The following MISP variants were observed in gnomAD, a reference collection of about 807,000 sequenced individuals.
The protein encoded by MISP is mitotic interactor and substrate of PLK1.
Under a neutral mutation model 49.3 loss-of-function variants are expected in MISP, and 51 were observed. That is an observed-to-expected ratio of 1.03 (90% CI 0.83 to 1.31). The LOEUF is 1.31. Ranked by LOEUF, MISP falls within the 50% of genes most tolerant of loss-of-function variation. MISP has a pLI of 0.00. For missense variants in MISP, 1,084 were observed against 935.1 expected, an observed-to-expected ratio of 1.16 and a Z score of -2.08; for synonymous variants, 444 against 392.6, an observed-to-expected ratio of 1.13 and a Z score of -1.55.
intron 4 of MISP, among the ~76,000 whole-genome samples, chr19:762,653 A>AT (rs893648940): frequency 5.3e-5 from 8 of 149,562 alleles, no homozygotes; most frequent in East Asian, 2.0e-4. Flanking sequence ...TTTTATTTTT[A>AT]TTTTTTTTTA....
Position 757,903 on chromosome 19 carries a change from C to T in MISP, c.957C>T (p.His319=), listed in dbSNP as rs2033591654. The change falls in exon 2 of 5, where the codon CAC becomes CAT. Residue 319 remains histidine, a synonymous_variant. Coordinates refer to ENST00000215582, the MANE Select transcript of MISP (RefSeq NM_173481.4). The part of the protein sequence containing the change: ...EQRGLRQATD[H]QELVEIPTRP... ...GGGGGCTTCGGCAGGCAACCGACCA[C>T]CAGGAGCTGGTGGAAATCCCCACCA... 1 of 1,604,162 alleles carries T rather than the reference C, an allele frequency of 6.2e-7. No homozygotes were observed. The highest frequency in any genetic ancestry group is 8.5e-7 in the Non-Finnish European group (1 of 1,179,652).
In MISP at chr19:763,765, C is replaced by T; in HGVS notation, c.*175C>T. The T allele has an allele frequency of 1.7e-6, 1 of 579,772 alleles. No homozygotes were observed. The allele number at this position is 579,772 out of a possible 1,614,324, so 35.9% of individuals were successfully genotyped here. On this transcript the variant is annotated 3_prime_UTR_variant, in exon 5 of 5. Transcript: ENST00000215582. Reference sequence around the variant, plus strand: ...TTTGGGACTGTTGGGTTTTTCGTTTCCGTTTCTATCTTCCTTTAGAAATGT... The same window carrying T: ...TTTGGGACTGTTGGGTTTTTCGTTTTCGTTTCTATCTTCCTTTAGAAATGT...
In MISP at chr19:759,772, A is replaced by G. The variant is rs1029429033; in HGVS notation, c.1781-137A>G. ...TTTCTCCTGACTGGCTACTTTGGTC[A>G]ATCTGTCAGTTTCCCGGATAGTCAT... On this transcript the variant is annotated intron_variant, in intron 2 of 4. Coordinates refer to ENST00000215582, the MANE Select transcript of MISP (RefSeq NM_173481.4). 19 of 977,808 alleles carry G rather than the reference A, an allele frequency of 1.9e-5. No individual in the cohort carries two copies. The East Asian group carries it at 5.1e-4, about 26-fold the overall frequency. The allele number at this position is 977,808 out of a possible 1,614,324, so 60.6% of individuals were successfully genotyped here. A position where few individuals can be genotyped will look rare whatever the true frequency, so the allele number is the denominator to read the frequency against.
At chr19:756,148 G>T (rs994084385) in intron 1 of MISP, among the ~76,000 whole-genome samples, 1 of 152,202 alleles carries the variant, frequency 6.6e-6, no homozygotes, top group African/African-American at 2.4e-5. Flanking sequence ...TGTTGGGGTT[G>T]CTGTCAAGCA....
At chr19:752,281 G>A (rs954968570) in intron 1 of MISP, among the ~76,000 whole-genome samples, 49 of 152,154 alleles carry the variant, frequency 3.2e-4, no homozygotes, top group Middle Eastern at 3.2e-3. Flanking sequence ...GGGCAGCGCC[G>A]CTGCCCAAGA....
At chr19:755,618 C>T (rs763745583) in intron 1 of MISP, among the ~76,000 whole-genome samples, 19 of 152,176 alleles carry the variant, frequency 1.2e-4, no homozygotes, top group Non-Finnish European at 2.2e-4. Context: ...AAATATGGTG[C>T]GGCCAAGGAA....
intron 1 of MISP, among the ~76,000 whole-genome samples, chr19:755,667 C>T (rs1265040044): frequency 2.0e-5 from 3 of 152,164 alleles, no homozygotes. Flanking sequence ...CGCGGTGGCT[C>T]ACGCCTGTAA....
At chr19:759,797 T>A in intron 2 of MISP, 112 bp from the exon 3 acceptor site, 1 of 1,257,754 alleles carries the variant, frequency 8.0e-7, no homozygotes. Flanking sequence ...CGGATAGTCA[T>A]CTGCTCTGTC....
At position 758,309 on chromosome 19, in the gene MISP, G is replaced by A. The variant is rs1358825226; in HGVS notation, c.1363G>A (p.Ala455Thr). 1.2e-6 allele frequency: 2 copies of A among 1,613,976 alleles called. No homozygotes were observed. Among genetic ancestry groups the A allele is most frequent in the African/African-American group, 1.3e-5 (1 of 74,942 alleles). The change falls in exon 2 of 5, where the codon GCC (alanine) becomes ACC (threonine). Residue 455 changes from alanine (A) to threonine (T), a missense_variant. Physicochemically the swap from Ala to Thr is moderately conservative, Grantham distance 58. Coordinates refer to ENST00000215582, the MANE Select transcript of MISP (RefSeq NM_173481.4). The part of the protein sequence containing the change: ...GKPSSLSTAE[A>T]KAATSPKATM... ...GCCCAGCAGTCTCTCCACAGCGGAG[G>A]CCAAGGCTGCGACTTCACCAAAGGC...
chr19:750,253 G>A (rs940084148), upstream of MISP, among the ~76,000 whole-genome samples: 9 of 143,284 alleles, frequency 6.3e-5, no homozygotes, highest in African/African-American at 2.1e-4. Context: ...AGGCTGGAGT[G>A]CAGTGGTGTG....
At chr19:756,704 C>T (rs1599182539) in intron 1 of MISP, among the ~76,000 whole-genome samples, 186 bp from the exon 2 acceptor site, 2 of 152,232 alleles carry the variant, frequency 1.3e-5, no homozygotes, top group African/African-American at 4.8e-5. Context: ...GTCACTTACG[C>T]ACCCCTAAAC....
rs45477999 is a variant in MISP, at chr19:757,241, G to A, written c.295G>A (p.Ala99Thr). The A allele has an allele frequency of 0.016, 26,120 of 1,613,834 alleles. 258 individuals are homozygous for A. Among genetic ancestry groups the A allele is most frequent in the Non-Finnish European group, 0.019 (22,228 of 1,179,984 alleles). ...GGGTTGGCAGGTTTACCGCCTGGGC[G>A]CCAGGGATGCCCACCAGGGACGTCC... Reference protein sequence around the residue: ...DEGWQVYRLGARDAHQGRPTW... With the variant: ...DEGWQVYRLGTRDAHQGRPTW... Residue 99 changes from alanine to threonine, a missense_variant, in exon 2 of 5, where the codon GCC (alanine) becomes ACC (threonine). By Grantham distance (58) the Ala-to-Thr change is moderately conservative. Transcript: ENST00000215582.
In MISP at chr19:758,228, T is replaced by C. The variant is rs148041494; in HGVS notation, c.1282T>C (p.Tyr428His). The change falls in exon 2 of 5, where the codon TAC becomes CAC. Residue 428 changes from tyrosine (Y) to histidine (H), a missense_variant. Transcript: ENST00000215582. ...CATCCCACCTGATGCCTACCAGCCG[T>C]ACCTGAGCCCCGGGACCCCCCAGCT... ...NRIPPDAYQPYLSPGTPQLEF... is the reference protein window; with the variant it reads ...NRIPPDAYQPHLSPGTPQLEF... The C allele has an allele frequency of 3.5e-5, 57 of 1,612,810 alleles. No individual in the cohort carries two copies. Among genetic ancestry groups the C allele is most frequent in the Non-Finnish European group, 4.6e-5 (54 of 1,179,856 alleles).
At chr19:753,772 T>C (rs2033500178) in intron 1 of MISP, among the ~76,000 whole-genome samples, 2 of 151,622 alleles carry the variant, frequency 1.3e-5, no homozygotes, top group Non-Finnish European at 2.9e-5. Flanking sequence ...CAGTCCTGCT[T>C]TGTGGGGGTT....
rs780509550 is a variant in MISP, at chr19:758,143, C to T, written c.1197C>T (p.Leu399=). Reference sequence around the variant, plus strand: ...GAGCCCTCAGCTCAGATTCCATCCTCAGCCCGGCCCCAGATGCCCGTGCGG... The same window carrying T: ...GAGCCCTCAGCTCAGATTCCATCCTTAGCCCGGCCCCAGATGCCCGTGCGG... The part of the protein sequence containing the change: ...LRRALSSDSI[L]SPAPDARAAD... Residue 399 remains leucine, a synonymous_variant, in exon 2 of 5, where the codon CTC becomes CTT. Coordinates refer to ENST00000215582, the MANE Select transcript of MISP (RefSeq NM_173481.4). 2 of 1,611,680 alleles carry T rather than the reference C, an allele frequency of 1.2e-6. No individual in the cohort carries two copies. Among genetic ancestry groups the T allele is most frequent in the Non-Finnish European group, 1.7e-6 (2 of 1,179,322 alleles).
intron 1 of MISP, among the ~76,000 whole-genome samples, chr19:751,559 A>G (rs1599178380): frequency 1.3e-5 from 2 of 152,058 alleles, no homozygotes; most frequent in Middle Eastern, 3.4e-3. Flanking sequence ...AGAGATGCTT[A>G]TCCGTCCCAC....
At chr19:763,372 G>T in intron 4 of MISP, 129 bp from the exon 5 acceptor site, 1 of 667,172 alleles carries the variant, frequency 1.5e-6, no homozygotes, top group Non-Finnish European at 2.8e-6. Context: ...GGAGTAGAGG[G>T]TCTGAAACAG....
Position 758,626 on chromosome 19 carries a change from G to A in MISP, c.1680G>A (p.Glu560=), listed in dbSNP as rs767578600. The change falls in exon 2 of 5, where the codon GAG becomes GAA. Residue 560 remains glutamate (E), a synonymous_variant. Transcript: ENST00000215582. The part of the protein sequence containing the change: ...ERESVLRREQ[E]VAEERRNALF... ...AGAGTGTCCTGCGCCGGGAGCAAGA[G>A]GTGGCAGAGGAGCGGAGAAATGCTC... 5.6e-6 allele frequency: 9 copies of A among 1,614,142 alleles called. No individual in the cohort carries two copies. The Admixed American group carries it at 8.3e-5, about 15-fold the overall frequency.
intron 3 of MISP, 65 bp downstream of exon 3, chr19:760,104 G>A: frequency 6.3e-7 from 1 of 1,593,998 alleles, no homozygotes; most frequent in East Asian, 2.3e-5. Context: ...TAGGGCCACA[G>A]GAAGTTCAAG....
Sources: gnomAD v4.1 joint callset for allele counts (sites outside exome capture counted in the v4.1 genomes callset) on GRCh38, gnomAD v4.1.1 for gene constraint, MANE v1.5 for transcripts, NCBI Gene and HGNC (gene_info 2026-07-23, HGNC 2026-07-21) for gene names.